MS4A3: variants seen among roughly 807,000 people sequenced by gnomAD.
The protein encoded by MS4A3 is membrane-spanning 4-domains subfamily A member 3.
Under a neutral mutation model 24.7 loss-of-function variants are expected in MS4A3, and 18 were observed. That is an observed-to-expected ratio of 0.73 (90% CI 0.50 to 1.08). MS4A3 has a LOEUF of 1.08. Ranked by LOEUF, MS4A3 falls within the 50% of genes least tolerant of loss-of-function variation. The probability of loss-of-function intolerance (pLI) is 0.00; values close to 1 mark genes in which losing one functional copy is unlikely to be tolerated. For synonymous variants in MS4A3, 84 were observed against 95.3 expected, an observed-to-expected ratio of 0.88 and a Z score of 0.69; for missense variants, 282 against 251.7, an observed-to-expected ratio of 1.12 and a Z score of -0.82.
At chr11:60,060,496 G>C (rs1855254267) in intron 1 of MS4A3, among the ~76,000 whole-genome samples, 1 of 152,120 alleles carries the variant, frequency 6.6e-6, no homozygotes, top group Non-Finnish European at 1.5e-5. Context: ...TTGGTACTCA[G>C]AAAGACGTCT....
chr11:60,064,186 A>T, intron 3 of MS4A3, 76 bp from the exon 4 acceptor site: 2 of 1,080,406 alleles, frequency 1.9e-6, no homozygotes, highest in Non-Finnish European at 2.7e-6. Context: ...GATATCTGCT[A>T]ATTGAGGGAG....
intron 4 of MS4A3, among the ~76,000 whole-genome samples, chr11:60,065,283 C>G (rs1454370539): frequency 1.4e-5 from 2 of 147,810 alleles, no homozygotes; most frequent in African/African-American, 5.1e-5. Context: ...AAATCTTGGG[C>G]TCAAGCAGTC....
intron 3 of MS4A3, 96 bp downstream of exon 3, chr11:60,062,701 A>G (rs1380088740): frequency 1.1e-5 from 16 of 1,410,850 alleles, no homozygotes; most frequent in Non-Finnish European, 1.5e-5. Context: ...GGTTATTGGA[A>G]GGTTGCATGC....
chr11:60,058,065 T>C (rs1855200100), intron 1 of MS4A3, among the ~76,000 whole-genome samples: 1 of 152,164 alleles, frequency 6.6e-6, no homozygotes, highest in South Asian at 2.1e-4. Context: ...AACAGACAAG[T>C]ATCCAGGCAA....
At chr11:60,065,331 C>T (rs1029168352) in intron 4 of MS4A3, among the ~76,000 whole-genome samples, 3 of 151,238 alleles carry the variant, frequency 2.0e-5, no homozygotes, top group African/African-American at 4.9e-5. Context: ...GGGTTACAGG[C>T]GTGAGTTACC....
intron 3 of MS4A3, 91 bp from the exon 4 acceptor site, chr11:60,064,171 T>C (rs151111099): frequency 4.7e-5 from 40 of 858,228 alleles, no homozygotes; most frequent in Non-Finnish European, 7.3e-5. Context: ...GTATGACTAT[T>C]GCTGGATATC....
chr11:60,069,238 C>T (rs1383313227), intron 5 of MS4A3, among the ~76,000 whole-genome samples: 2 of 152,176 alleles, frequency 1.3e-5, no homozygotes, highest in Non-Finnish European at 2.9e-5. Context: ...TTTTTCTAAA[C>T]TGCCTACTCC....
intron 4 of MS4A3, among the ~76,000 whole-genome samples, chr11:60,066,503 G>GC (rs1175138541): frequency 6.6e-6 from 1 of 151,892 alleles, no homozygotes; most frequent in African/African-American, 2.4e-5. Context: ...CCCCTTTGCT[G>GC]CCCCAGAAGA....
chr11:60,059,184 C>A (rs1272773270), intron 1 of MS4A3, among the ~76,000 whole-genome samples: 1 of 152,094 alleles, frequency 6.6e-6, no homozygotes, highest in Non-Finnish European at 1.5e-5. Flanking sequence ...AATAATAAAA[C>A]ATGGCTTGAC....
At chr11:60,069,028 T>C (rs1855427132) in intron 5 of MS4A3, among the ~76,000 whole-genome samples, 1 of 152,234 alleles carries the variant, frequency 6.6e-6, no homozygotes, top group Non-Finnish European at 1.5e-5. Flanking sequence ...CTGATTTTTC[T>C]GTGAATTTGG....
At chr11:60,069,333 T>C (rs1013051136) in intron 5 of MS4A3, among the ~76,000 whole-genome samples, 4 of 152,248 alleles carry the variant, frequency 2.6e-5, no homozygotes, top group Non-Finnish European at 5.9e-5. Flanking sequence ...CCCCTGTAGC[T>C]ACTTCACATG....
In MS4A3 at chr11:60,069,605, T is replaced by C. The variant is rs1855441853; in HGVS notation, c.545T>C (p.Leu182Ser). Residue 182 changes from leucine (L) to serine (S), a missense_variant, in exon 6 of 7, where the codon TTG becomes TCG. Physicochemically the swap from Leu to Ser is moderately radical, Grantham distance 145. Transcript: ENST00000278865. ...GMVSLLLILT[L>S]LELCVTISTI... ...GTGTCTCTACTGCTGATTCTCACCT[T>C]GCTGGAATTATGCGTAACCATCTCT... The C allele has an allele frequency of 2.5e-5, 40 of 1,613,560 alleles. No homozygotes were observed. The highest frequency in any genetic ancestry group is 3.4e-5 in the Non-Finnish European group (40 of 1,179,694).
intron 1 of MS4A3, among the ~76,000 whole-genome samples, chr11:60,057,607 T>C (rs942026416): frequency 1.3e-5 from 2 of 152,140 alleles, no homozygotes; most frequent in Admixed American, 6.5e-5. Flanking sequence ...GGTTTCACCA[T>C]GTTAGCAAGG....
chr11:60,070,320 A>G lies in MS4A3; in HGVS notation c.*87A>G. On this transcript the variant is annotated 3_prime_UTR_variant, in exon 7 of 7. Coordinates refer to ENST00000278865, the MANE Select transcript of MS4A3 (RefSeq NM_006138.5). The stretch of plus-strand genomic sequence containing the variant: ...GAGCTTCACCCACAAACTCAGGAGA[A>G]CATAAGCCTGCTCGTAAAGCTCAAT... 1 of 1,094,132 alleles carries G rather than the reference A, an allele frequency of 9.1e-7. No homozygotes were observed. The allele number at this position is 1,094,132 out of a possible 1,614,324, so 67.8% of individuals were successfully genotyped here. A position where few individuals can be genotyped will look rare whatever the true frequency, so the allele number is the denominator to read the frequency against.
At chr11:60,058,729 G>A (rs550823930) in intron 1 of MS4A3, among the ~76,000 whole-genome samples, 12 of 152,024 alleles carry the variant, frequency 7.9e-5, no homozygotes, top group East Asian at 1.9e-4. Context: ...GGCAGGAGAC[G>A]TAGGCGAGAG....
At chr11:60,058,930 A>T (rs564622282) in intron 1 of MS4A3, among the ~76,000 whole-genome samples, 4 of 152,144 alleles carry the variant, frequency 2.6e-5, no homozygotes, top group African/African-American at 7.2e-5. Context: ...TTTAAGCTTT[A>T]TTGATCTTCC....
At chr11:60,059,790 C>T (rs1455952519) in intron 1 of MS4A3, among the ~76,000 whole-genome samples, 1 of 152,136 alleles carries the variant, frequency 6.6e-6, no homozygotes, top group African/African-American at 2.4e-5. Context: ...AAATGATGGA[C>T]ATTTAGGTTG....
At chr11:60,059,461 C>T (rs1855236625) in intron 1 of MS4A3, among the ~76,000 whole-genome samples, 1 of 151,976 alleles carries the variant, frequency 6.6e-6, no homozygotes, top group Admixed American at 6.6e-5. Context: ...TAAATTCGTG[C>T]CACAGGGGTG....
chr11:60,058,892 G>A (rs543837791), intron 1 of MS4A3, among the ~76,000 whole-genome samples: 5 of 152,224 alleles, frequency 3.3e-5, no homozygotes, highest in Admixed American at 6.5e-5. Context: ...AGATAATTAC[G>A]TTAGGAACTT....
Sources: allele counts gnomAD v4.1 joint callset (sites outside exome capture counted in the v4.1 genomes callset), GRCh38; gene constraint gnomAD v4.1.1; transcripts MANE v1.5; gene names NCBI Gene and HGNC (gene_info 2026-07-23, HGNC 2026-07-21).